RC3H2: variants seen among roughly 807,000 people sequenced by gnomAD.
RC3H2 encodes the protein roquin-2.
In RC3H2, 31 loss-of-function variants were observed where a neutral mutation model predicts 133.3. That is an observed-to-expected ratio of 0.23 (90% CI 0.17 to 0.31). RC3H2 has a LOEUF of 0.31. Among genes scored for constraint, RC3H2 ranks in the 10% least tolerant of loss-of-function variants. RC3H2 has a pLI of 1.00. For synonymous variants in RC3H2, 517 were observed against 502.2 expected, an observed-to-expected ratio of 1.03 and a Z score of -0.40; for missense variants, 1,175 against 1,437.2, an observed-to-expected ratio of 0.82 and a Z score of 2.95.
At chr9:122,904,184 G>GA (rs943817518) in intron 1 of RC3H2, among the ~76,000 whole-genome samples, 3 of 152,004 alleles carry the variant, frequency 2.0e-5, no homozygotes, top group African/African-American at 7.2e-5. Context: ...GAGTAGAAAT[G>GA]AAAAAAAGGA....
intron 4 of RC3H2, among the ~76,000 whole-genome samples, chr9:122,884,611 G>A (rs1831814814): frequency 6.6e-6 from 1 of 152,004 alleles, no homozygotes; most frequent in African/African-American, 2.4e-5. Context: ...CCAGCACTTT[G>A]GGAGGCCAAG....
In RC3H2 at chr9:122,899,090, G is replaced by GGTT. The variant is rs1564322863; in HGVS notation, c.-67-1515_-67-1514insAAC. On this transcript the variant is annotated intron_variant, in intron 1 of 20. Transcript: ENST00000357244. ...AAAAAATTCTATTAGCCTTTATTGT[G>GGTT]TTTTTTTTTTTTTTTTTTTTTTTTT... 1.8e-4 allele frequency among the ~76,000 whole-genome samples: 16 copies of GGTT among 88,410 alleles called. 6 individuals carry two copies. Among genetic ancestry groups the GGTT allele is most frequent in the African/African-American group, 2.4e-4 (5 of 20,762 alleles). The allele number at this position is 88,410 out of a possible 152,430, so 58.0% of individuals were successfully genotyped here.
chr9:122,852,417 C>T (rs918741185), intron 18 of RC3H2, among the ~76,000 whole-genome samples: 1 of 149,700 alleles, frequency 6.7e-6, no homozygotes, highest in Non-Finnish European at 1.5e-5. Context: ...GGGGGGTCAG[C>T]CCCCCGCCTG....
intron 9 of RC3H2, among the ~76,000 whole-genome samples, chr9:122,876,991 T>C (rs1465070558): frequency 1.3e-5 from 2 of 152,226 alleles, no homozygotes; most frequent in Non-Finnish European, 1.5e-5. Context: ...AGTATAAATA[T>C]GGATTCCAGC....
At chr9:122,863,586 C>T (rs1423604723) in intron 10 of RC3H2, among the ~76,000 whole-genome samples, 1 of 152,158 alleles carries the variant, frequency 6.6e-6, no homozygotes, top group African/African-American at 2.4e-5. Context: ...AATGCTGTCT[C>T]CACAACTATA....
At chr9:122,875,410 C>A in intron 9 of RC3H2, 1 of 1,487,044 alleles carries the variant, frequency 6.7e-7, no homozygotes, top group South Asian at 1.3e-5. Flanking sequence ...GATCATGGGC[C>A]ATAGTTTCTG....
chr9:122,879,948 C>T (rs770056124), intron 7 of RC3H2, 45 bp downstream of exon 7: 1 of 1,612,064 alleles, frequency 6.2e-7, no homozygotes, highest in Non-Finnish European at 8.5e-7. Context: ...TTATTCACCT[C>T]AAAAGTAGAA....
intron 13 of RC3H2, 62 bp downstream of exon 13, chr9:122,857,857 ATGAG>A (rs1830304699): frequency 7.2e-7 from 1 of 1,393,654 alleles, no homozygotes; most frequent in South Asian, 1.3e-5. Flanking sequence ...CCTGGTTTGA[ATGAG>A]TAATTTGAAG....
intron 9 of RC3H2, among the ~76,000 whole-genome samples, chr9:122,870,738 T>G (rs1231876389): frequency 6.6e-6 from 1 of 152,162 alleles, no homozygotes; most frequent in Non-Finnish European, 1.5e-5. Flanking sequence ...TTTAAATCCC[T>G]TCTTACCCAT....
chr9:122,905,353 G>A lies in RC3H2; in HGVS notation c.-311C>T, dbSNP rs866266110. The A allele has an allele frequency of 1.6e-5, 15 of 933,952 alleles. No individual in the cohort carries two copies. The highest frequency in any genetic ancestry group is 1.9e-5 in the Non-Finnish European group (15 of 783,020). The allele number at this position is 933,952 out of a possible 1,614,324, so 57.9% of individuals were successfully genotyped here. ...CCTCCTCACCACGGAGGCGGACCTG[G>A]AGGGATCCCGATCTAGCTCTCGCGA... is the stretch of plus-strand genomic sequence containing the variant. On this transcript the variant is annotated 5_prime_UTR_variant, in exon 1 of 21. Transcript: ENST00000357244.
At chr9:122,873,244 G>A (rs752314559) in intron 9 of RC3H2, among the ~76,000 whole-genome samples, 3 of 152,138 alleles carry the variant, frequency 2.0e-5, no homozygotes, top group Non-Finnish European at 4.4e-5. Context: ...TAAACTGAAA[G>A]GACAGTCACA....
At chr9:122,854,432 A>T in intron 16 of RC3H2, 99 bp downstream of exon 16, 1 of 1,195,034 alleles carries the variant, frequency 8.4e-7, no homozygotes, top group Non-Finnish European at 1.2e-6. Flanking sequence ...CTCAGACAAC[A>T]AGCAAAGCAC....
At position 122,883,315 on chromosome 9, in the gene RC3H2, C is replaced by T. The variant is rs749733651; in HGVS notation, c.648G>A (p.Arg216=). 16 of 1,613,700 alleles carry T rather than the reference C, an allele frequency of 9.9e-6. No homozygotes were observed. The highest frequency in any genetic ancestry group is 3.3e-5 in the Admixed American group (2 of 59,944). Residue 216 remains arginine, a synonymous_variant, in exon 5 of 21, where the codon AGG becomes AGA. Transcript: ENST00000357244. ...LALEDGSALS[R]KVLVLFVVQR... The stretch of plus-strand genomic sequence containing the variant: ...GCACAACAAAAAGTACCAGAACTTT[C>T]CTTGAGAGGGCAGAACCATCTTCTA...
chr9:122,851,759 G>A (rs570662225), intron 18 of RC3H2, among the ~76,000 whole-genome samples: 5 of 152,222 alleles, frequency 3.3e-5, no homozygotes, highest in South Asian at 2.1e-4. Flanking sequence ...TCGGCCTCCC[G>A]AGGTGCCGGG....
chr9:122,876,134 C>G (rs1237657320), intron 9 of RC3H2, among the ~76,000 whole-genome samples: 1 of 152,034 alleles, frequency 6.6e-6, no homozygotes, highest in East Asian at 1.9e-4. Flanking sequence ...ATTGGCAGAA[C>G]TTTTTGACTG....
intron 12 of RC3H2, among the ~76,000 whole-genome samples, 190 bp from the exon 13 acceptor site, chr9:122,858,283 G>A (rs894120520): frequency 3.3e-5 from 5 of 152,186 alleles, no homozygotes; most frequent in African/African-American, 1.2e-4. Context: ...GTTAAACGCA[G>A]AATCTGAGCA....
intron 1 of RC3H2, among the ~76,000 whole-genome samples, chr9:122,903,531 G>C (rs1489410797): frequency 4.6e-5 from 7 of 152,166 alleles, no homozygotes; most frequent in Non-Finnish European, 8.8e-5. Context: ...ATGAACAAAG[G>C]ACGTAAGTCT....
chr9:122,905,222 C>G lies in RC3H2; in HGVS notation c.-180G>C. ...GGGGCAGAGCTCGGCGGAGGTTTCA[C>G]GACCTCAAACTCCATCGGGAGCTAC... On this transcript the variant is annotated 5_prime_UTR_variant, in exon 1 of 21. Coordinates refer to ENST00000357244, the MANE Select transcript of RC3H2 (RefSeq NM_001100588.3). 3 of 984,966 alleles carry G rather than the reference C, an allele frequency of 3.0e-6. No individual in the cohort carries two copies. The highest frequency in any genetic ancestry group is 3.6e-6 in the Non-Finnish European group (3 of 829,916). 61.0% of individuals were successfully genotyped at this position (984,966 alleles called of 1,614,324 possible).
intron 1 of RC3H2, 84 bp downstream of exon 1, chr9:122,905,026 G>T: frequency 1.1e-6 from 1 of 927,716 alleles, no homozygotes; most frequent in Non-Finnish European, 1.3e-6. Context: ...AGGCCCCAGG[G>T]CTGAGACTGG....
Sources: gnomAD v4.1 joint callset for allele counts (sites outside exome capture counted in the v4.1 genomes callset) on GRCh38, gnomAD v4.1.1 for gene constraint, MANE v1.5 for transcripts, NCBI Gene and HGNC (gene_info 2026-07-23, HGNC 2026-07-21) for gene names.